Variants in NLGN4X observed in about 807,000 individuals in gnomAD.
NLGN4X encodes the protein neuroligin 4 X-linked.
In NLGN4X, 3 loss-of-function variants were observed where a neutral mutation model predicts 40.3. The observed-to-expected ratio is 0.07, with a 90% CI of 0.03 to 0.19. NLGN4X has a LOEUF of 0.19. Ranked by LOEUF, NLGN4X falls within the 10% of genes least tolerant of loss-of-function variation. The pLI, the probability that NLGN4X is intolerant of heterozygous loss-of-function variation, is 1.00. For missense variants in NLGN4X, 382 were observed against 708.3 expected (o/e 0.54, Z 5.23); for synonymous variants, 270 against 306.8 (o/e 0.88, Z 1.25).
chrX:6,017,295 G>A (rs1206417638), intron 3 of NLGN4X, among the ~76,000 whole-genome samples: 1 of 111,902 alleles, frequency 8.9e-6, no homozygotes, highest in Non-Finnish European at 1.9e-5. Flanking sequence ...TAGTTCTGAT[G>A]AAATATGATT....
chrX:5,994,474 T>C (rs2035765734), intron 3 of NLGN4X, among the ~76,000 whole-genome samples: 1 of 111,815 alleles, frequency 8.9e-6, no homozygotes. Flanking sequence ...CTTTTCAACA[T>C]AATGGTCTAA....
At chrX:6,001,665 G>A (rs1366187502) in intron 3 of NLGN4X, among the ~76,000 whole-genome samples, 1 of 102,940 alleles carries the variant, frequency 9.7e-6, no homozygotes, top group Non-Finnish European at 2.0e-5. Context: ...CTGAGAGCCT[G>A]GGAGCTTATT....
intron 2 of NLGN4X, among the ~76,000 whole-genome samples, chrX:6,030,988 G>A (rs1330680744): frequency 8.9e-6 from 1 of 111,837 alleles, no homozygotes; most frequent in African/African-American, 3.2e-5. Flanking sequence ...TGCTCCCTTG[G>A]AAAATATGTG....
At chrX:6,189,939 T>C (rs1922398050) in intron 1 of NLGN4X, among the ~76,000 whole-genome samples, 1 of 110,198 alleles carries the variant, frequency 9.1e-6, no homozygotes, top group Admixed American at 9.9e-5. Flanking sequence ...TAATGTATCA[T>C]TATTGATTAT....
chrX:6,117,953 G>GAA (rs201584374), intron 2 of NLGN4X, among the ~76,000 whole-genome samples: 3 of 106,193 alleles, frequency 2.8e-5, no homozygotes, highest in East Asian at 3.0e-4. Context: ...CAACATAAGA[G>GAA]AAAAAAAAAA....
chrX:6,098,740 G>T (rs770984950), intron 2 of NLGN4X, among the ~76,000 whole-genome samples: 1 of 111,140 alleles, frequency 9.0e-6, no homozygotes, highest in East Asian at 2.8e-4. Flanking sequence ...TGGAGTCTTC[G>T]CATGAAAGTC....
chrX:6,062,482 G>A (rs2037794737), intron 2 of NLGN4X, among the ~76,000 whole-genome samples: 1 of 111,299 alleles, frequency 9.0e-6, no homozygotes, highest in Non-Finnish European at 1.9e-5. Context: ...CTGGTTCTCA[G>A]AATTACAAAG....
intron 1 of NLGN4X, among the ~76,000 whole-genome samples, chrX:6,161,896 T>C (rs1183475210): frequency 8.9e-6 from 1 of 111,857 alleles, no homozygotes; most frequent in Non-Finnish European, 1.9e-5. Flanking sequence ...CCATGTCATT[T>C]CATGCATGTG....
chrX:6,018,538 G>T (rs781663988), intron 3 of NLGN4X, among the ~76,000 whole-genome samples: 5 of 111,482 alleles, frequency 4.5e-5, no homozygotes, highest in Non-Finnish European at 7.5e-5. Flanking sequence ...TCACTATGTT[G>T]CCCAGGCTGC....
rs766386436 is a variant in NLGN4X at position 6,036,059 on chromosome X, G to A, written c.473-6627C>T. On this transcript the variant is annotated intron_variant, in intron 2 of 5. Transcript: ENST00000381095. ...ACTGTGCAGGGGTTCTAACCTTCAC[G>A]TTGTTCAAGGGCCAACTGTAATTAA... is the stretch of plus-strand genomic sequence containing the variant. 6.3e-5 allele frequency among the ~76,000 whole-genome samples: 7 copies of A among 111,563 alleles called. No homozygotes were observed. The South Asian group carries it at 1.1e-3, about 18-fold the overall frequency.
At chrX:6,152,181 C>T (rs1363086583) in intron 1 of NLGN4X, among the ~76,000 whole-genome samples, 2 of 110,777 alleles carry the variant, frequency 1.8e-5, no homozygotes, top group African/African-American at 6.6e-5. Context: ...TCAAGGGATC[C>T]TACCCCTCGA....
intron 2 of NLGN4X, among the ~76,000 whole-genome samples, chrX:6,063,359 C>T (rs947198753): frequency 4.5e-5 from 5 of 111,947 alleles, no homozygotes; most frequent in Non-Finnish European, 7.5e-5. Flanking sequence ...GGTGGCAACA[C>T]CTGTAGTCCT....
At chrX:6,050,651 G>A (rs909869191) in intron 2 of NLGN4X, among the ~76,000 whole-genome samples, 2 of 109,926 alleles carry the variant, frequency 1.8e-5, no homozygotes, top group Non-Finnish European at 3.8e-5. Context: ...TCTATCCATC[G>A]ATCTATCATC....
chrX:6,084,596 G>A (rs1358765690), intron 2 of NLGN4X, among the ~76,000 whole-genome samples: 1 of 111,778 alleles, frequency 8.9e-6, no homozygotes, highest in East Asian at 2.8e-4. Context: ...GTGTAAATGG[G>A]TTGTCCTATG....
At chrX:5,912,998 G>T (rs56308608) in intron 3 of NLGN4X, among the ~76,000 whole-genome samples, 24,234 of 51,115 alleles carry the variant, frequency 0.47, 6,827 homozygotes, top group Middle Eastern at 0.62. Context: ...AAGGAAGGAA[G>T]GAAGGTAGGA....
intron 1 of NLGN4X, among the ~76,000 whole-genome samples, chrX:6,203,966 G>A (rs992555682): frequency 6.2e-5 from 7 of 112,358 alleles, no homozygotes; most frequent in African/African-American, 1.9e-4. Context: ...AATGTGTGAC[G>A]TGCATGCCTT....
intron 1 of NLGN4X, among the ~76,000 whole-genome samples, chrX:6,202,411 C>T (rs1923704951): frequency 9.5e-6 from 1 of 105,508 alleles, no homozygotes; most frequent in African/African-American, 3.5e-5. Context: ...GATCTGGGCT[C>T]ACTGCAGCCT....
intron 3 of NLGN4X, among the ~76,000 whole-genome samples, chrX:6,020,032 T>C (rs748717761): frequency 9.8e-5 from 11 of 112,135 alleles, no homozygotes; most frequent in African/African-American, 3.6e-4. Flanking sequence ...TTTAAAGAAA[T>C]CCTGAATCGT....
chrX:6,079,692 G>A (rs2038297517), intron 2 of NLGN4X, among the ~76,000 whole-genome samples: 1 of 112,116 alleles, frequency 8.9e-6, no homozygotes, highest in Non-Finnish European at 1.9e-5. Flanking sequence ...GCACATAATT[G>A]TATCTTACAC....
Sources: allele counts gnomAD v4.1 joint callset (sites outside exome capture counted in the v4.1 genomes callset), GRCh38; gene constraint gnomAD v4.1.1; transcripts MANE v1.5; gene names NCBI Gene and HGNC (gene_info 2026-07-23, HGNC 2026-07-21).